Variants in PTPN4 observed in about 807,000 individuals in gnomAD.
The protein encoded by PTPN4 is tyrosine-protein phosphatase non-receptor type 4.
Under a neutral mutation model 135.5 loss-of-function variants are expected in PTPN4, and 49 were observed. That is an observed-to-expected ratio of 0.36 (90% confidence interval 0.29 to 0.46). The LOEUF (loss-of-function observed/expected upper bound fraction) is 0.46. Among genes scored for constraint, PTPN4 ranks in the 20% least tolerant of loss-of-function variants. The pLI is 1.00. For synonymous variants in PTPN4, 333 were observed against 369.9 expected, an observed-to-expected ratio of 0.90 and a Z score of 1.14; for missense variants, 860 against 1,101.0, an observed-to-expected ratio of 0.78 and a Z score of 3.10.
At chr2:119,947,762 CCA>C (rs3084728) in intron 18 of PTPN4, among the ~76,000 whole-genome samples, 3,412 of 147,152 alleles carry the variant, frequency 0.023, 111 homozygotes, top group African/African-American at 0.076. Context: ...AACACCACTA[CCA>C]CACACACACA....
chr2:119,919,904 A>G (rs954249012), intron 11 of PTPN4, among the ~76,000 whole-genome samples, 165 bp from the exon 12 acceptor site: 1 of 151,736 alleles, frequency 6.6e-6, no homozygotes, highest in Non-Finnish European at 1.5e-5. Context: ...TTTTTATTGG[A>G]TAAGCAAAAA....
chr2:119,934,306 A>G (rs1044733354), intron 14 of PTPN4, among the ~76,000 whole-genome samples: 3 of 152,212 alleles, frequency 2.0e-5, no homozygotes, highest in Admixed American at 6.5e-5. Context: ...TGACACATAC[A>G]TAAATACTGA....
At chr2:119,860,185 G>A (rs1558747479) in intron 2 of PTPN4, among the ~76,000 whole-genome samples, 1 of 152,178 alleles carries the variant, frequency 6.6e-6, no homozygotes, top group Non-Finnish European at 1.5e-5. Flanking sequence ...AATATAATCA[G>A]AATGAGAGAC....
chr2:119,774,095 T>G (rs1690785606), intron 1 of PTPN4, among the ~76,000 whole-genome samples: 1 of 152,224 alleles, frequency 6.6e-6, no homozygotes, highest in African/African-American at 2.4e-5. Flanking sequence ...GTCTCTCCAG[T>G]TAATTGCCTG....
intron 1 of PTPN4, among the ~76,000 whole-genome samples, chr2:119,798,115 CT>C (rs986312211): frequency 1.3e-5 from 2 of 150,992 alleles, no homozygotes; most frequent in African/African-American, 4.9e-5. Context: ...GAAATGGGCT[CT>C]TTCCTACTGT....
At chr2:119,868,828 T>A (rs1348752019) in intron 3 of PTPN4, among the ~76,000 whole-genome samples, 1 of 152,130 alleles carries the variant, frequency 6.6e-6, no homozygotes, top group Admixed American at 6.5e-5. Context: ...CGTGGGTAAA[T>A]CTCTGTTCGA....
chr2:119,786,278 A>C (rs1691046014), intron 1 of PTPN4, among the ~76,000 whole-genome samples: 1 of 152,174 alleles, frequency 6.6e-6, no homozygotes, highest in South Asian at 2.1e-4. Context: ...GTGTCTTAAA[A>C]AATTTTATTT....
At chr2:119,927,030 G>A (rs1678834863) in intron 13 of PTPN4, among the ~76,000 whole-genome samples, 2 of 150,446 alleles carry the variant, frequency 1.3e-5, no homozygotes, top group Admixed American at 6.6e-5. Context: ...AAATTATAAT[G>A]TTAAGAGATA....
chr2:119,854,956 A>G (rs1288669779), intron 2 of PTPN4, among the ~76,000 whole-genome samples: 1 of 152,128 alleles, frequency 6.6e-6, no homozygotes, highest in Non-Finnish European at 1.5e-5. Flanking sequence ...GAGGACACCT[A>G]AGGCCTGTCT....
At chr2:119,766,725 G>A (rs1188591642) in intron 1 of PTPN4, among the ~76,000 whole-genome samples, 1 of 152,168 alleles carries the variant, frequency 6.6e-6, no homozygotes. Flanking sequence ...ATGGAGCAGA[G>A]AGACCAGATG....
chr2:119,953,362 A>T (rs1679236276), intron 19 of PTPN4, among the ~76,000 whole-genome samples: 1 of 152,210 alleles, frequency 6.6e-6, no homozygotes, highest in Non-Finnish European at 1.5e-5. Flanking sequence ...TGTAAACAAA[A>T]AATAAAAAAT....
chr2:119,920,919 T>C (rs1225064593), intron 12 of PTPN4, among the ~76,000 whole-genome samples: 1 of 152,208 alleles, frequency 6.6e-6, no homozygotes, highest in Non-Finnish European at 1.5e-5. Flanking sequence ...CATTATCTTT[T>C]AGTAAAACAA....
intron 15 of PTPN4, among the ~76,000 whole-genome samples, chr2:119,938,243 TTAGCCTCCCGAG>T: frequency 6.6e-6 from 1 of 151,086 alleles, no homozygotes. Context: ...TTCTCCTGCC[TTAGCCTCCCGAG>T]TAGCTGGGAC....
rs1574419911 is a variant in PTPN4, at chr2:119,955,258, C to T, written c.1915C>T (p.Leu639=). 4 of 1,613,612 alleles carry T rather than the reference C, an allele frequency of 2.5e-6. No homozygotes were observed. In the Middle Eastern group the frequency reaches 6.6e-4, roughly 266 times the overall value. Residue 639 remains leucine, a synonymous_variant, in exon 20 of 27, where the codon CTG becomes TTG. Transcript: ENST00000263708. The stretch of plus-strand genomic sequence containing the variant: ...TAGTGTGCATCAGGATGACCATTCC[C>T]TGCGGGAGTCAATGATCCAGCTAGC... ...LDSVHQDDHS[L]RESMIQLAEG...
intron 1 of PTPN4, among the ~76,000 whole-genome samples, chr2:119,779,317 A>T (rs1435801884): frequency 6.6e-6 from 1 of 152,224 alleles, no homozygotes. Flanking sequence ...TCCATTTCAA[A>T]TAAGTGTAAA....
At position 119,798,222 on chromosome 2, in the gene PTPN4, A is replaced by C. The variant is rs1412427529; in HGVS notation, c.-17-11615A>C. 3.3e-5 allele frequency among the ~76,000 whole-genome samples: 5 copies of C among 150,334 alleles called. No homozygotes were observed. In the South Asian group the frequency reaches 6.3e-4, roughly 19 times the overall value. ...GCGCTTGTCACCCAGGCTGGAGTGC[A>C]ATGGCATGATCTCAGCTTACTGCAA... On this transcript the variant is annotated intron_variant, in intron 1 of 26. Coordinates refer to ENST00000263708, the MANE Select transcript of PTPN4 (RefSeq NM_002830.4).
At chr2:119,873,565 G>A (rs182480605) in intron 3 of PTPN4, among the ~76,000 whole-genome samples, 77 of 152,236 alleles carry the variant, frequency 5.1e-4, no homozygotes, top group Non-Finnish European at 1.0e-3. Context: ...TCAGGTAACC[G>A]ATTAGCAATG....
chr2:119,855,298 A>G (rs776726763), intron 2 of PTPN4, among the ~76,000 whole-genome samples: 6 of 152,186 alleles, frequency 3.9e-5, no homozygotes, highest in Non-Finnish European at 8.8e-5. Flanking sequence ...ATGTCCCCAG[A>G]TGATGCTGCT....
rs114295788 is a variant in PTPN4, at chr2:119,887,949, A to C, written c.675+2067A>C. ...GATAGGGATTGCACTGGATCTGTAGAGTGCTCTGGCAATATGGTCATTTTA... is the reference window on the plus strand; with the variant it reads ...GATAGGGATTGCACTGGATCTGTAGCGTGCTCTGGCAATATGGTCATTTTA... On this transcript the variant is annotated intron_variant, in intron 9 of 26. Transcript: ENST00000263708. 2.5e-3 allele frequency among the ~76,000 whole-genome samples: 379 copies of C among 152,290 alleles called. 2 individuals carry two copies. Among genetic ancestry groups the C allele is most frequent in the African/African-American group, 8.5e-3 (354 of 41,576 alleles).
Sources: allele counts gnomAD v4.1 joint callset (sites outside exome capture counted in the v4.1 genomes callset), GRCh38; gene constraint gnomAD v4.1.1; transcripts MANE v1.5; gene names NCBI Gene and HGNC (gene_info 2026-07-23, HGNC 2026-07-21).